Variants in SARS2 observed in about 807,000 individuals in gnomAD.
The protein encoded by SARS2 is serine--tRNA ligase, mitochondrial.
A neutral mutation model predicts 66.8 loss-of-function variants in SARS2; 52 were observed. That is an observed-to-expected ratio of 0.78 (90% CI 0.62 to 0.98). SARS2 has a LOEUF of 0.98. SARS2 is among the 50% of genes least tolerant of loss of function. The pLI, the probability that SARS2 is intolerant of heterozygous loss-of-function variation, is 0.00. For synonymous variants in SARS2, 306 were observed against 281.4 expected (o/e 1.09, Z -0.87); for missense variants, 673 against 706.3 (o/e 0.95, Z 0.53).
rs773096568 is a variant in SARS2, at chr19:38,919,730, C to G, written c.759+32G>C. 6 of 1,574,500 alleles carry G rather than the reference C, an allele frequency of 3.8e-6. No homozygotes were observed. The Admixed American group carries it at 1.0e-4, about 26-fold the overall frequency. ...TCTGAGCTCAGCTTCGATGCCACCC[C>G]CTCCAGGCAGCCCTCCTATCTTGGC... On this transcript the variant is annotated intron_variant, in intron 7 of 15. Transcript: ENST00000221431.
At position 38,921,592 on chromosome 19, in the gene SARS2, C is replaced by T; in HGVS notation, c.469G>A (p.Ala157Thr). ...KELVHLYPRE[A>T]QLEEQFYLQA... ...AGGTAGAACTGCTCCTCAAGCTGGG[C>T]CTCCCTGGGGTACAGGTGAACAAGC... The change falls in exon 4 of 16, where the codon GCC becomes ACC. Residue 157 changes from alanine to threonine, a missense_variant. Physicochemically the swap from Ala to Thr is moderately conservative, Grantham distance 58. Transcript: ENST00000221431. The T allele has an allele frequency of 6.2e-7, 1 of 1,614,214 alleles. No individual in the cohort carries two copies. Among genetic ancestry groups the T allele is most frequent in the Non-Finnish European group, 8.5e-7 (1 of 1,180,030 alleles).
rs943692591 is a variant in SARS2, at chr19:38,921,645, C to T, written c.416G>A (p.Arg139Gln). The T allele has an allele frequency of 9.3e-6, 15 of 1,614,200 alleles. No homozygotes were observed. Among genetic ancestry groups the T allele is most frequent in the Admixed American group, 1.7e-5 (1 of 60,024 alleles). Residue 139 changes from arginine to glutamine, a missense_variant, in exon 4 of 16, where the codon CGG becomes CAG. Arg to Gln is a conservative substitution (Grantham distance 43, BLOSUM62 1). Coordinates refer to ENST00000221431, the MANE Select transcript of SARS2 (RefSeq NM_017827.4). ...VQQDPKYQGL[R>Q]ARGREIRKEL... ...CTTCCGGATCTCCCGGCCACGTGCC[C>T]GCAGACCCTGGTACTTGGGGTCCTG...
intron 2 of SARS2, among the ~76,000 whole-genome samples, chr19:38,925,725 G>A (rs1037020999): frequency 6.6e-5 from 10 of 152,194 alleles, no homozygotes; most frequent in Admixed American, 3.9e-4. Flanking sequence ...CTGGGCTGGG[G>A]ATGCTGGAAG....
chr19:38,929,982 T>C (rs1462627032), intron 1 of SARS2: 1 of 157,640 alleles, frequency 6.3e-6, no homozygotes, highest in African/African-American at 2.4e-5. Context: ...AACCATTCAT[T>C]AATGGATTCA....
intron 12 of SARS2, among the ~76,000 whole-genome samples, chr19:38,916,913 C>T (rs545748789): frequency 1.3e-5 from 2 of 151,226 alleles, no homozygotes; most frequent in South Asian, 4.2e-4. Context: ...TCCGCCTGTC[C>T]CGGCCTCCCA....
Position 38,930,555 on chromosome 19 carries a change from T to C in SARS2, c.182A>G (p.Glu61Gly), listed in dbSNP as rs1974721226. The C allele has an allele frequency of 3.1e-6, 5 of 1,613,668 alleles. No individual in the cohort carries two copies. The highest frequency in any genetic ancestry group is 4.2e-6 in the Non-Finnish European group (5 of 1,180,018). ...CTCTTCTGGGCATGCGCAGAACCGC[T>C]CTATGTCCAGCTGAGGGAGTGCGCT... Reference protein sequence around the residue: ...GYSALPQLDIERFCACPEEAA... With the variant: ...GYSALPQLDIGRFCACPEEAA... Residue 61 changes from glutamate to glycine, a missense_variant, in exon 1 of 16, where the codon GAG (glutamate) becomes GGG (glycine). Physicochemically the swap from Glu to Gly is moderately conservative, Grantham distance 98. Coordinates refer to ENST00000221431, the MANE Select transcript of SARS2 (RefSeq NM_017827.4).
chr19:38,927,173 C>A (rs368137091), intron 1 of SARS2, among the ~76,000 whole-genome samples: 1 of 151,934 alleles, frequency 6.6e-6, no homozygotes, highest in East Asian at 1.9e-4. Flanking sequence ...CCCGGCCTCA[C>A]GCAATCTGCC....
rs373048601 is a variant in SARS2, at chr19:38,916,207, G to T, written c.1254+14C>A. 4 of 1,613,726 alleles carry T rather than the reference G, an allele frequency of 2.5e-6. No homozygotes were observed. The highest frequency in any genetic ancestry group is 3.4e-6 in the Non-Finnish European group (4 of 1,179,790). The stretch of plus-strand genomic sequence containing the variant: ...TCCTCCTGCCCACCCCGTCCCCAGC[G>T]GCACAGGGCTCACCTCTCCAAAGCG... On this transcript the variant is annotated intron_variant, in intron 13 of 15. Transcript: ENST00000221431.
intron 2 of SARS2, among the ~76,000 whole-genome samples, chr19:38,925,409 G>A (rs949399380): frequency 6.6e-6 from 1 of 152,224 alleles, no homozygotes; most frequent in Non-Finnish European, 1.5e-5. Context: ...TTCAGGGGAA[G>A]TGGGCCCAGG....
intron 4 of SARS2, 25 bp downstream of exon 4, chr19:38,921,502 C>G: frequency 6.2e-7 from 1 of 1,614,174 alleles, no homozygotes; most frequent in Middle Eastern, 1.7e-4. Flanking sequence ...CCCCTGGCCT[C>G]CCTGCCACCC....
chr19:38,918,905 TCC>T, intron 7 of SARS2, 92 bp from the exon 8 acceptor site: 1 of 1,311,332 alleles, frequency 7.6e-7, no homozygotes, highest in Non-Finnish European at 1.1e-6. Context: ...AGCCCCTTCC[TCC>T]TCAGACGAAA....
In SARS2 at chr19:38,930,426, TA is replaced by T. The variant is rs1974714635; in HGVS notation, c.267+43del. On this transcript the variant is annotated intron_variant, in intron 1 of 15. Transcript: ENST00000221431. ...GCATCTTGCAAACCCAATTCTTCCG[TA>T]AAGCAAACGTCTGCGCCCCCCGGCC... is the stretch of plus-strand genomic sequence containing the variant. 1.9e-6 allele frequency: 3 copies of T among 1,555,174 alleles called. No individual in the cohort carries two copies. The East Asian group carries it at 6.8e-5, about 35-fold the overall frequency.
At chr19:38,926,603 T>C (rs552251287) in intron 1 of SARS2, among the ~76,000 whole-genome samples, 2 of 151,174 alleles carry the variant, frequency 1.3e-5, no homozygotes, top group East Asian at 3.9e-4. Context: ...CTGGTCAACA[T>C]GGTGAAACCC....
chr19:38,918,268 T>C, intron 9 of SARS2, 129 bp from the exon 10 acceptor site: 1 of 1,150,510 alleles, frequency 8.7e-7, no homozygotes, highest in Non-Finnish European at 1.3e-6. Flanking sequence ...ATCACTGTAC[T>C]GCTGTACAGT....
At chr19:38,920,316 AAGAC>A (rs961845455) in intron 5 of SARS2, among the ~76,000 whole-genome samples, 167 bp from the exon 6 acceptor site, 1 of 151,722 alleles carries the variant, frequency 6.6e-6, no homozygotes, top group Admixed American at 6.6e-5. Context: ...AAGGGAAGAA[AAGAC>A]AGACAGGAAG....
At chr19:38,926,498 C>T (rs141352055) in intron 1 of SARS2, among the ~76,000 whole-genome samples, 198 bp from the exon 2 acceptor site, 1 of 152,140 alleles carries the variant, frequency 6.6e-6, no homozygotes, top group East Asian at 1.9e-4. Flanking sequence ...AGAATTCAGA[C>T]ACACTGGCCG....
intron 1 of SARS2, chr19:38,928,415 GC>G (rs57463198): frequency 0.69 from 80,462 of 116,426 alleles, 27,162 homozygotes; most frequent in East Asian, 0.86. Context: ...CACACCCCTG[GC>G]CCCCCCCCCC....
At chr19:38,915,968 G>A (rs1484870571) in intron 14 of SARS2, 62 bp from the exon 15 acceptor site, 4 of 1,612,564 alleles carry the variant, frequency 2.5e-6, no homozygotes, top group Admixed American at 3.3e-5. Flanking sequence ...GAGGAGCCAA[G>A]GTGGGTGGGT....
rs1974516544 is a variant in SARS2, at chr19:38,920,964, GAT to G, written c.589+426_589+427del. 1.5e-4 allele frequency among the ~76,000 whole-genome samples: 13 copies of G among 88,938 alleles called. 1 individual carries two copies. Among genetic ancestry groups the G allele is most frequent in the East Asian group, 4.5e-4 (1 of 2,228 alleles). The allele number at this position is 88,938 out of a possible 152,430, so 58.3% of individuals were successfully genotyped here. Reference sequence around the variant, plus strand: ...ACACACACACACAGACACAGACACAGATACAGACACACACAAACACAGACACA... The same window carrying G: ...ACACACACACACAGACACAGACACAGACAGACACACACAAACACAGACACA... On this transcript the variant is annotated intron_variant, in intron 5 of 15. Transcript: ENST00000221431.
Sources: allele counts gnomAD v4.1 joint callset (sites outside exome capture counted in the v4.1 genomes callset), GRCh38; gene constraint gnomAD v4.1.1; transcripts MANE v1.5; gene names NCBI Gene and HGNC (gene_info 2026-07-23, HGNC 2026-07-21).